The following LIFR variants were observed in gnomAD, a reference collection of about 807,000 sequenced individuals.
LIFR encodes the protein LIF receptor subunit alpha, also known as leukemia inhibitory factor receptor.
Under a neutral mutation model 122.2 loss-of-function variants are expected in LIFR, and 84 were observed. The ratio of observed to expected loss-of-function variants is 0.69; its 90% CI spans 0.58 to 0.82. The LOEUF (loss-of-function observed/expected upper bound fraction) is 0.82. Among genes scored for constraint, LIFR ranks in the 40% least tolerant of loss-of-function variants. LIFR has a pLI of 0.00. For missense variants in LIFR, 1,294 were observed against 1,311.6 expected (o/e 0.99, Z 0.21); for synonymous variants, 422 against 434.7 (o/e 0.97, Z 0.36).
intron 3 of LIFR, among the ~76,000 whole-genome samples, chr5:38,527,756 TTC>T (rs1395553744): frequency 6.6e-6 from 1 of 152,226 alleles, no homozygotes; most frequent in African/African-American, 2.4e-5. Flanking sequence ...TCCTCTTCAG[TTC>T]TGTTTTCAAA....
chr5:38,539,608 C>G (rs1488255028), intron 1 of LIFR, among the ~76,000 whole-genome samples: 2 of 151,932 alleles, frequency 1.3e-5, no homozygotes, highest in Non-Finnish European at 2.9e-5. Context: ...TTTCAATGAA[C>G]CTGTTTGCTA....
At chr5:38,518,123 A>C (rs924312253) in intron 5 of LIFR, among the ~76,000 whole-genome samples, 1 of 151,298 alleles carries the variant, frequency 6.6e-6, no homozygotes, top group African/African-American at 2.4e-5. Flanking sequence ...CTAAAAACAA[A>C]TGAATAAAAT....
At position 38,485,941 on chromosome 5, in the gene LIFR, G is replaced by A. The variant is rs747164303; in HGVS notation, c.2375C>T (p.Ser792Phe). 6.2e-6 allele frequency: 10 copies of A among 1,613,716 alleles called. No individual in the cohort carries two copies. Among genetic ancestry groups the A allele is most frequent in the Non-Finnish European group, 8.5e-6 (10 of 1,179,610 alleles). The change falls in exon 17 of 20, where the codon TCC (serine) becomes TTC (phenylalanine). Residue 792 changes from serine (S) to phenylalanine (F), a missense_variant. Physicochemically the swap from Ser to Phe is radical, Grantham distance 155. Coordinates refer to ENST00000453190, the MANE Select transcript of LIFR (RefSeq NM_001127671.2). ...ATCAGCAATTCTCAGTGTCTTCTGG[G>A]ATATGTCAGTAATATTCTTAACTTT... is the stretch of plus-strand genomic sequence containing the variant. ...DIKVKNITDI[S>F]QKTLRIADLQ...
At chr5:38,561,187 G>A (rs1338388297), upstream of LIFR, among the ~76,000 whole-genome samples, 1 of 152,126 alleles carries the variant, frequency 6.6e-6, no homozygotes, top group Non-Finnish European at 1.5e-5. Context: ...TTACCTGAGC[G>A]ATACTCACAT....
chr5:38,525,958 C>T (rs1345354385), intron 4 of LIFR, among the ~76,000 whole-genome samples: 1 of 152,162 alleles, frequency 6.6e-6, no homozygotes, highest in African/African-American at 2.4e-5. Flanking sequence ...TAGCAGTGGG[C>T]TACTCTTAAA....
At chr5:38,491,691 T>C (rs1744602255) in intron 14 of LIFR, among the ~76,000 whole-genome samples, 1 of 152,228 alleles carries the variant, frequency 6.6e-6, no homozygotes, top group Non-Finnish European at 1.5e-5. Context: ...TCTAACATCA[T>C]ACAACCCAAG....
intron 12 of LIFR, among the ~76,000 whole-genome samples, chr5:38,497,356 A>G (rs1744938152): frequency 6.6e-6 from 1 of 152,240 alleles, no homozygotes; most frequent in Admixed American, 6.5e-5. Flanking sequence ...GAGCAGGGTA[A>G]ATCAGGAAAG....
intron 1 of LIFR, among the ~76,000 whole-genome samples, chr5:38,579,920 T>A (rs1322292916): frequency 2.0e-5 from 3 of 152,196 alleles, no homozygotes; most frequent in Non-Finnish European, 4.4e-5. Flanking sequence ...GGAGAACACA[T>A]AAGAGGTGAC....
At chr5:38,517,012 A>T (rs1185444486) in intron 5 of LIFR, among the ~76,000 whole-genome samples, 1 of 152,082 alleles carries the variant, frequency 6.6e-6, no homozygotes, top group African/African-American at 2.4e-5. Context: ...AACAATGAGA[A>T]CACACGGACA....
chr5:38,512,457 A>G (rs369646517), intron 5 of LIFR, among the ~76,000 whole-genome samples: 3 of 151,286 alleles, frequency 2.0e-5, no homozygotes, highest in Non-Finnish European at 4.4e-5. Context: ...CATCTCTACA[A>G]AAAAATAAAA....
Position 38,530,544 on chromosome 5 carries a change from A to C in LIFR, c.104T>G (p.Leu35Arg). ...ATTTACTTGATTCATTAGATATAGA[A>C]GAATAAATGTTGATAACAGCCACTG... ...NFQWLLSTFILLYLMNQVNSQ... is the reference protein window; with the variant it reads ...NFQWLLSTFIRLYLMNQVNSQ... The change falls in exon 2 of 20, where the codon CTT (leucine) becomes CGT (arginine). Residue 35 changes from leucine (L) to arginine (R), a missense_variant. Physicochemically the swap from Leu to Arg is moderately radical, Grantham distance 102. Coordinates refer to ENST00000453190, the MANE Select transcript of LIFR (RefSeq NM_001127671.2). 1 of 1,613,020 alleles carries C rather than the reference A, an allele frequency of 6.2e-7. No homozygotes were observed.
upstream of LIFR, among the ~76,000 whole-genome samples, chr5:38,596,117 A>G (rs1750091806): frequency 6.6e-6 from 1 of 152,194 alleles, no homozygotes; most frequent in Non-Finnish European, 1.5e-5. Context: ...ATTCTTAGCC[A>G]CGGAGGGAGC....
At chr5:38,537,744 A>T (rs1383577964) in intron 1 of LIFR, among the ~76,000 whole-genome samples, 1 of 151,092 alleles carries the variant, frequency 6.6e-6, no homozygotes, top group Non-Finnish European at 1.5e-5. Context: ...TCATATGTTT[A>T]TTGATAATTT....
intron 9 of LIFR, 83 bp downstream of exon 9, chr5:38,505,822 A>T: frequency 1.3e-6 from 1 of 745,552 alleles, no homozygotes; most frequent in Non-Finnish European, 2.1e-6. Context: ...ATCAGCAAAA[A>T]GTAATCCCTA....
intron 1 of LIFR, among the ~76,000 whole-genome samples, chr5:38,564,128 T>C (rs1388914078): frequency 6.6e-6 from 1 of 152,174 alleles, no homozygotes; most frequent in African/African-American, 2.4e-5. Flanking sequence ...CTAGTTGAGA[T>C]AGAGACTTGC....
At position 38,516,033 on chromosome 5, in the gene LIFR, A is replaced by G. The variant is rs199852207; in HGVS notation, c.562-4069T>C. 3.1e-3 allele frequency among the ~76,000 whole-genome samples: 474 copies of G among 152,328 alleles called. 3 individuals are homozygous for G. Among genetic ancestry groups the G allele is most frequent in the African/African-American group, 0.011 (445 of 41,584 alleles). ...ACGTACTATTAATAAAAATGCCCTG[A>G]GGCATTTTCCCTTACTTTACAGTTC... On this transcript the variant is annotated intron_variant, in intron 5 of 19. Transcript: ENST00000453190.
intron 5 of LIFR, among the ~76,000 whole-genome samples, chr5:38,519,672 C>T (rs545664361): frequency 3.3e-5 from 5 of 152,248 alleles, no homozygotes; most frequent in African/African-American, 9.6e-5. Context: ...ATATCTTTAC[C>T]TCCATGAGAT....
chr5:38,587,471 C>T (rs1233206980), intron 1 of LIFR, among the ~76,000 whole-genome samples: 1 of 140,834 alleles, frequency 7.1e-6, no homozygotes. Flanking sequence ...GTAGCACTTC[C>T]GAAGGACTGA....
intron 1 of LIFR, among the ~76,000 whole-genome samples, chr5:38,591,322 A>G (rs746096216): frequency 6.6e-6 from 1 of 152,242 alleles, no homozygotes; most frequent in Non-Finnish European, 1.5e-5. Flanking sequence ...TTATGTGCAC[A>G]TTAAGGGATC....
Sources: allele counts gnomAD v4.1 joint callset (sites outside exome capture counted in the v4.1 genomes callset), GRCh38; gene constraint gnomAD v4.1.1; transcripts MANE v1.5; gene names NCBI Gene and HGNC (gene_info 2026-07-23, HGNC 2026-07-21).